Variants in LUC7L3 observed in about 807,000 individuals in gnomAD.
The protein encoded by LUC7L3 is LUC7 like 3 pre-mRNA splicing factor, also known as luc7-like protein 3.
A neutral mutation model predicts 66.8 loss-of-function variants in LUC7L3; 6 were observed. The observed-to-expected ratio is 0.09, with a 90% CI of 0.05 to 0.18. The LOEUF is 0.18. Among genes scored for constraint, LUC7L3 ranks in the 10% least tolerant of loss-of-function variants. The probability of loss-of-function intolerance (pLI) is 1.00; values close to 1 mark genes in which losing one functional copy is unlikely to be tolerated. For synonymous variants in LUC7L3, 160 were observed against 174.7 expected (o/e 0.92, Z 0.66); for missense variants, 341 against 531.1 (o/e 0.64, Z 3.52).
intron 6 of LUC7L3, among the ~76,000 whole-genome samples, chr17:50,744,208 T>C (rs571986248): frequency 6.6e-6 from 1 of 152,380 alleles, no homozygotes; most frequent in African/African-American, 2.4e-5. Flanking sequence ...TAGAATATAC[T>C]TGTTTCAGAT....
intron 1 of LUC7L3, among the ~76,000 whole-genome samples, chr17:50,732,560 CTTTT>C (rs11360311): frequency 3.0e-5 from 4 of 133,238 alleles, no homozygotes; most frequent in Admixed American, 7.6e-5. Context: ...TTTTTTCATT[CTTTT>C]TTTTTTTTTT....
rs1277739324 is a variant in LUC7L3 at position 50,752,887 on chromosome 17, A to G, written c.*2226A>G. ...TTGAATTTTGCTTTTAATAGCAAAG[A>G]TGTGCAGTGAACTAGAATATATTTT... On this transcript the variant is annotated 3_prime_UTR_variant, in exon 10 of 10. Coordinates refer to ENST00000505658, the MANE Select transcript of LUC7L3 (RefSeq NM_016424.5). 2 of 152,218 alleles carry G rather than the reference A, an allele frequency of 1.3e-5. No individual in the cohort carries two copies. Among genetic ancestry groups the G allele is most frequent in the African/African-American group, 4.8e-5 (2 of 41,468 alleles). The allele number at this position is 152,218 out of a possible 1,614,324, so 9.4% of individuals were successfully genotyped here. A position where few individuals can be genotyped will look rare whatever the true frequency, so the allele number is the denominator to read the frequency against.
chr17:50,729,940 ATAT>A (rs1289206648), intron 1 of LUC7L3, among the ~76,000 whole-genome samples: 2 of 28,402 alleles, frequency 7.0e-5, no homozygotes, highest in African/African-American at 2.6e-4. Flanking sequence ...ATATATATAT[ATAT>A]ATGTATGTAT....
chr17:50,743,809 C>T lies in LUC7L3; in HGVS notation c.530C>T (p.Ser177Leu). The T allele has an allele frequency of 1.9e-6, 3 of 1,603,038 alleles. No homozygotes were observed. The highest frequency in any genetic ancestry group is 2.6e-6 in the Non-Finnish European group (3 of 1,171,074). ...EERELLRSTT[S>L]TIESFAAQEK... ...AGAGAACTGCTAAGGTCCACAACGT[C>T]GGTGAGTAAACCTTATTTCACATTA... is the stretch of plus-strand genomic sequence containing the variant. Residue 177 changes from serine to leucine, a missense_variant and splice_region_variant, in exon 6 of 10, where the codon TCG becomes TTG. Transcript: ENST00000505658.
intron 1 of LUC7L3, among the ~76,000 whole-genome samples, chr17:50,731,634 A>G (rs961209632): frequency 3.3e-5 from 5 of 152,224 alleles, no homozygotes; most frequent in Non-Finnish European, 5.9e-5. Flanking sequence ...AGAGTAACAG[A>G]TAATTCTGAT....
intron 1 of LUC7L3, among the ~76,000 whole-genome samples, chr17:50,733,001 G>C (rs1360423179): frequency 2.6e-5 from 4 of 152,162 alleles, no homozygotes; most frequent in Non-Finnish European, 1.5e-5. Flanking sequence ...GTAGAGATGT[G>C]TTTATTCGTT....
rs1051724430 is a variant in LUC7L3 at position 50,755,787 on chromosome 17, A to G, written c.*5126A>G. 4 of 152,230 alleles carry G rather than the reference A, an allele frequency of 2.6e-5. No individual in the cohort carries two copies. The highest frequency in any genetic ancestry group is 9.6e-5 in the African/African-American group (4 of 41,454). 9.4% of individuals were successfully genotyped at this position (152,230 alleles called of 1,614,324 possible). On this transcript the variant is annotated 3_prime_UTR_variant, in exon 10 of 10. Coordinates refer to ENST00000505658, the MANE Select transcript of LUC7L3 (RefSeq NM_016424.5). ...AAGCATTTGTGTGTAATAGGAAGAA[A>G]AGAAGAAAAAACCCGGGAAGATCCC... is the stretch of plus-strand genomic sequence containing the variant.
intron 5 of LUC7L3, among the ~76,000 whole-genome samples, chr17:50,742,334 G>C (rs190859165): frequency 5.3e-5 from 8 of 152,006 alleles, no homozygotes. Flanking sequence ...TCATATTCCT[G>C]TAGATGATAT....
intron 1 of LUC7L3, among the ~76,000 whole-genome samples, chr17:50,734,723 G>C (rs915629937): frequency 4.6e-5 from 7 of 152,194 alleles, no homozygotes; most frequent in African/African-American, 1.7e-4. Context: ...AAGACATAAA[G>C]CTGTATCAGA....
rs1433209854 is a variant in LUC7L3 at position 50,749,427 on chromosome 17, A to G, written c.1139-1074A>G. The G allele has an allele frequency of 4.3e-6, 5 of 1,153,730 alleles. No individual in the cohort carries two copies. In the African/African-American group the frequency reaches 6.4e-5, roughly 15 times the overall value. The allele number at this position is 1,153,730 out of a possible 1,614,324, so 71.5% of individuals were successfully genotyped here. On this transcript the variant is annotated intron_variant, in intron 9 of 9. Coordinates refer to ENST00000505658, the MANE Select transcript of LUC7L3 (RefSeq NM_016424.5). ...GCAAGTCTTGCGCTTAACTACTTGG[A>G]CATTGCTTTGTGTATTATGCAAGTG...
intron 1 of LUC7L3, 125 bp from the exon 2 acceptor site, chr17:50,736,835 T>A: frequency 3.1e-6 from 2 of 645,136 alleles, no homozygotes; most frequent in Non-Finnish European, 5.4e-6. Context: ...ATTCAACAAA[T>A]GAAATTCTTA....
chr17:50,720,714 A>C (rs1028572565), intron 1 of LUC7L3, among the ~76,000 whole-genome samples: 1 of 152,246 alleles, frequency 6.6e-6, no homozygotes, highest in African/African-American at 2.4e-5. Flanking sequence ...ATTTTAAAAC[A>C]ATTGCTAATC....
intron 5 of LUC7L3, 76 bp from the exon 6 acceptor site, chr17:50,743,630 A>G: frequency 1.1e-6 from 1 of 904,484 alleles, no homozygotes; most frequent in Non-Finnish European, 1.8e-6. Flanking sequence ...AACAACCACT[A>G]ATGAACCATG....
chr17:50,745,618 C>T (rs559077850), intron 7 of LUC7L3, 102 bp from the exon 8 acceptor site: 1 of 812,142 alleles, frequency 1.2e-6, no homozygotes, highest in Non-Finnish European at 2.0e-6. Context: ...TTAAGGGCAT[C>T]AATTCCATAA....
At chr17:50,740,425 A>G (rs758136159) in intron 3 of LUC7L3, 80 bp downstream of exon 3, 80 of 1,324,170 alleles carry the variant, frequency 6.0e-5, no homozygotes, top group Non-Finnish European at 7.9e-5. Flanking sequence ...AATAATTGCA[A>G]TTAAATGTAA....
In LUC7L3 at chr17:50,751,451, T is replaced by C; in HGVS notation, c.*790T>C. 5 of 1,256,674 alleles carry C rather than the reference T, an allele frequency of 4.0e-6. No individual in the cohort carries two copies. Among genetic ancestry groups the C allele is most frequent in the Non-Finnish European group, 3.1e-6 (3 of 969,666 alleles). The allele number at this position is 1,256,674 out of a possible 1,614,324, so 77.8% of individuals were successfully genotyped here. On this transcript the variant is annotated 3_prime_UTR_variant, in exon 10 of 10. Coordinates refer to ENST00000505658, the MANE Select transcript of LUC7L3 (RefSeq NM_016424.5). ...TTTACGCTTAACTGTTGTGTATCTT[T>C]TTTGTTCTTTACAAGAAGTGCAGAG...
Position 50,755,827 on chromosome 17 carries a change from A to T in LUC7L3, c.*5166A>T, listed in dbSNP as rs563648234. 5.2e-5 allele frequency: 8 copies of T among 152,394 alleles called. No homozygotes were observed. The highest frequency in any genetic ancestry group is 1.7e-4 in the African/African-American group (7 of 41,596). The allele number at this position is 152,394 out of a possible 1,614,324, so 9.4% of individuals were successfully genotyped here. A position where few individuals can be genotyped will look rare whatever the true frequency, so the allele number is the denominator to read the frequency against. ...GGGAAGATCCCAAGTGTCCACCAAC[A>T]GTGTGTTGGATAAATACTGTGGTAT... On this transcript the variant is annotated 3_prime_UTR_variant, in exon 10 of 10. Transcript: ENST00000505658.
intron 5 of LUC7L3, among the ~76,000 whole-genome samples, chr17:50,742,399 C>A (rs1218588454): frequency 6.6e-6 from 1 of 152,052 alleles, no homozygotes; most frequent in African/African-American, 2.4e-5. Context: ...TGCTTTGTCA[C>A]CCATGCTGGA....
intron 1 of LUC7L3, among the ~76,000 whole-genome samples, chr17:50,720,269 C>T (rs1249586178): frequency 1.3e-5 from 2 of 152,204 alleles, no homozygotes; most frequent in Non-Finnish European, 2.9e-5. Flanking sequence ...TAAGTAATTA[C>T]AGCATGACGC....
Sources: allele counts gnomAD v4.1 joint callset (sites outside exome capture counted in the v4.1 genomes callset), GRCh38; gene constraint gnomAD v4.1.1; transcripts MANE v1.5; gene names NCBI Gene and HGNC (gene_info 2026-07-23, HGNC 2026-07-21).